Variants in FOLH1 observed in about 807,000 individuals in gnomAD.
FOLH1 encodes the protein folate hydrolase 1, also known as glutamate carboxypeptidase 2.
Under a neutral mutation model 93.9 loss-of-function variants are expected in FOLH1, and 54 were observed. That is an observed-to-expected ratio of 0.57 (90% confidence interval 0.46 to 0.72). FOLH1 has a LOEUF of 0.72. Ranked by LOEUF, FOLH1 falls within the 30% of genes least tolerant of loss-of-function variation. FOLH1 has a pLI of 0.00. For missense variants in FOLH1, 571 were observed against 892.5 expected (o/e 0.64, Z 4.59); for synonymous variants, 249 against 303.6 (o/e 0.82, Z 1.87).
rs778134535 is a variant in FOLH1 at position 49,186,766 on chromosome 11, C to A, written c.517G>T (p.Asp173Tyr). The change falls in exon 5 of 19, where the codon GAT becomes TAT. Residue 173 changes from aspartate to tyrosine, a missense_variant. Coordinates refer to ENST00000256999, the MANE Select transcript of FOLH1 (RefSeq NM_004476.3). ...AFSPQGMPEG[D>Y]LVYVNYARTE... ...CGTGCATAGTTAACATACACTAGAT[C>A]GCCCTGTTGAGATCGGGAATGACTT... 4.4e-6 allele frequency: 7 copies of A among 1,600,518 alleles called. No homozygotes were observed. Among genetic ancestry groups the A allele is most frequent in the African/African-American group, 1.3e-5 (1 of 74,258 alleles).
chr11:49,205,361 G>A (rs3974726), intron 2 of FOLH1, among the ~76,000 whole-genome samples: 1 of 152,020 alleles, frequency 6.6e-6, no homozygotes, highest in Non-Finnish European at 1.5e-5. Context: ...CAGGAAGTAG[G>A]GAGCTAGTTT....
At chr11:49,207,364 G>A (rs1178427604) in intron 1 of FOLH1, among the ~76,000 whole-genome samples, 1 of 152,360 alleles carries the variant, frequency 6.6e-6, no homozygotes. Context: ...TGAGCACAGT[G>A]TGTGGTTCAA....
intron 3 of FOLH1, among the ~76,000 whole-genome samples, chr11:49,198,501 A>ACAAAAT (rs1362842707): frequency 6.6e-6 from 1 of 151,566 alleles, no homozygotes; most frequent in East Asian, 1.9e-4. Flanking sequence ...AAAAACAAAA[A>ACAAAAT]CTAAAATATA....
chr11:49,146,374 G>A lies in FOLH1; in HGVS notation c.*382C>T, dbSNP rs1285352780. On this transcript the variant is annotated 3_prime_UTR_variant, in exon 19 of 19. Transcript: ENST00000256999. ...GGTAGGCCGTGAGGCCTCTGGCTTG[G>A]GATAATCTTGTGCATATTCCCCAGT... Among the ~76,000 whole-genome samples the A allele has an allele frequency of 1.3e-5, 2 of 152,148 alleles. No homozygotes were observed. The highest frequency in any genetic ancestry group is 4.8e-5 in the African/African-American group (2 of 41,442).
intron 3 of FOLH1, among the ~76,000 whole-genome samples, chr11:49,196,021 G>T (rs1272391905): frequency 6.6e-6 from 1 of 152,088 alleles, no homozygotes; most frequent in Admixed American, 6.6e-5. Context: ...GGGTGCGGTG[G>T]CTCATGCCTG....
At chr11:49,203,790 C>T (rs1231718441) in intron 2 of FOLH1, among the ~76,000 whole-genome samples, 3 of 152,158 alleles carry the variant, frequency 2.0e-5, no homozygotes, top group African/African-American at 7.2e-5. Flanking sequence ...GTTAGTGTTA[C>T]AAGTAGTTAG....
At chr11:49,198,681 C>A (rs1249790836) in intron 3 of FOLH1, among the ~76,000 whole-genome samples, 1 of 151,960 alleles carries the variant, frequency 6.6e-6, no homozygotes, top group Non-Finnish European at 1.5e-5. Context: ...TATAGATATG[C>A]CACCACTTAT....
At chr11:49,200,544 G>A (rs1863156402) in intron 2 of FOLH1, 103 bp from the exon 3 acceptor site, 13 of 1,262,696 alleles carry the variant, frequency 1.0e-5, no homozygotes, top group South Asian at 1.4e-5. Flanking sequence ...TTTGAAGTGT[G>A]ATACGTTAAA....
intron 10 of FOLH1, 109 bp from the exon 11 acceptor site, chr11:49,171,386 G>A: frequency 7.4e-7 from 1 of 1,352,564 alleles, no homozygotes; most frequent in Non-Finnish European, 9.8e-7. Flanking sequence ...GATGGTTTGG[G>A]AAGGGCAAAT....
chr11:49,183,076 A>G (rs1860961711), intron 7 of FOLH1, 73 bp downstream of exon 7: 3 of 1,335,688 alleles, frequency 2.2e-6, no homozygotes, highest in South Asian at 1.4e-5. Context: ...AAATGGAGAT[A>G]AAAGCCTAAC....
At chr11:49,147,050 A>G (rs1855851247) in intron 18 of FOLH1, 105 bp from the exon 19 acceptor site, 2 of 1,078,144 alleles carry the variant, frequency 1.9e-6, no homozygotes, top group South Asian at 1.8e-5. Flanking sequence ...TAACAATTTG[A>G]ACAAGCCACT....
chr11:49,166,506 G>A (rs1202601229), intron 12 of FOLH1, among the ~76,000 whole-genome samples: 9 of 152,168 alleles, frequency 5.9e-5, no homozygotes, highest in Non-Finnish European at 1.0e-4. Context: ...CACCCACTAC[G>A]CTCTTGGTGC....
At chr11:49,164,003 G>A (rs1161532772) in intron 13 of FOLH1, among the ~76,000 whole-genome samples, 1 of 152,026 alleles carries the variant, frequency 6.6e-6, no homozygotes, top group Non-Finnish European at 1.5e-5. Context: ...ATTCTCCTTG[G>A]GTTGGGTTGT....
At position 49,169,175 on chromosome 11, in the gene FOLH1, A is replaced by C. The variant is rs1565158960; in HGVS notation, c.1372+20T>G. On this transcript the variant is annotated intron_variant, in intron 12 of 18. Coordinates refer to ENST00000256999, the MANE Select transcript of FOLH1 (RefSeq NM_004476.3). ...TCCTAGTTTAATCACATCTTTTCTT[A>C]TGAGACCAACGATATTCACCTTCTA... 2 of 1,611,450 alleles carry C rather than the reference A, an allele frequency of 1.2e-6. No homozygotes were observed.
At chr11:49,192,581 T>A (rs1406497342) in intron 4 of FOLH1, among the ~76,000 whole-genome samples, 2 of 152,218 alleles carry the variant, frequency 1.3e-5, no homozygotes, top group Admixed American at 6.5e-5. Flanking sequence ...GATTTGTGCA[T>A]CTCATTGCAG....
At chr11:49,178,712 A>C (rs1860385370) in intron 7 of FOLH1, among the ~76,000 whole-genome samples, 1 of 152,194 alleles carries the variant, frequency 6.6e-6, no homozygotes, top group South Asian at 2.1e-4. Flanking sequence ...TTAATAGTTG[A>C]ATATTAAAAT....
At position 49,183,148 on chromosome 11, in the gene FOLH1, C is replaced by CTCTA. The variant is rs1860974682; in HGVS notation, c.917_920dup (p.Glu307AspfsTer12). 6.2e-7 allele frequency: 1 copy of CTCTA among 1,600,554 alleles called. No homozygotes were observed. The highest frequency in any genetic ancestry group is 1.7e-5 in the Admixed American group (1 of 57,702). Reference sequence around the variant, plus strand: ...CCATCCATGGTTTCTTACAAACTTACTCTAGGAGCTTCTGTGCATCATAGT... The same window carrying CTCTA: ...CCATCCATGGTTTCTTACAAACTTACTCTATCTAGGAGCTTCTGTGCATCATAGT... On this transcript the variant is annotated frameshift_variant and splice_region_variant. Coordinates refer to ENST00000256999, the MANE Select transcript of FOLH1 (RefSeq NM_004476.3).
intron 7 of FOLH1, among the ~76,000 whole-genome samples, chr11:49,181,763 A>G (rs1040504217): frequency 6.6e-6 from 1 of 152,100 alleles, no homozygotes; most frequent in Non-Finnish European, 1.5e-5. Context: ...ATCTTAACCA[A>G]TGCAGTAAAT....
chr11:49,207,007 C>T (rs900365940), intron 1 of FOLH1: 2 of 553,498 alleles, frequency 3.6e-6, no homozygotes, highest in African/African-American at 3.8e-5. Flanking sequence ...AGTTCTTAAT[C>T]GCATGCATAC....
Sources: gnomAD v4.1 joint callset for allele counts (sites outside exome capture counted in the v4.1 genomes callset) on GRCh38, gnomAD v4.1.1 for gene constraint, MANE v1.5 for transcripts, NCBI Gene and HGNC (gene_info 2026-07-23, HGNC 2026-07-21) for gene names.